MYT1L: variants seen among roughly 807,000 people sequenced by gnomAD.
The protein encoded by MYT1L is myelin transcription factor 1-like protein.
In MYT1L, 12 loss-of-function variants were observed where a neutral mutation model predicts 126.7. The ratio of observed to expected loss-of-function variants is 0.09; its 90% confidence interval spans 0.06 to 0.15. The LOEUF is 0.15. Ranked by LOEUF, MYT1L falls within the 10% of genes least tolerant of loss-of-function variation. The pLI is 1.00. For missense variants in MYT1L, 979 were observed against 1,585.2 expected, an observed-to-expected ratio of 0.62 and a Z score of 6.49; for synonymous variants, 541 against 604.2, an observed-to-expected ratio of 0.90 and a Z score of 1.53.
At chr2:2,145,765 T>C (rs148140593) in intron 3 of MYT1L, among the ~76,000 whole-genome samples, 2 of 152,308 alleles carry the variant, frequency 1.3e-5, no homozygotes, top group Non-Finnish European at 1.5e-5. Context: ...TATAAATGTA[T>C]AGAGTTTAAT....
chr2:2,295,497 G>A (rs1309266032), intron 1 of MYT1L, among the ~76,000 whole-genome samples: 1 of 151,792 alleles, frequency 6.6e-6, no homozygotes, highest in African/African-American at 2.4e-5. Context: ...AGGGAATGTG[G>A]AGAGTGTGGG....
At chr2:1,845,372 C>G (rs1320446455) in intron 19 of MYT1L, among the ~76,000 whole-genome samples, 1 of 152,170 alleles carries the variant, frequency 6.6e-6, no homozygotes. Flanking sequence ...TCTCCTCTCA[C>G]CTTCCTCCTT....
chr2:2,150,082 C>T (rs2085498715), intron 3 of MYT1L, among the ~76,000 whole-genome samples: 1 of 152,208 alleles, frequency 6.6e-6, no homozygotes, highest in Admixed American at 6.5e-5. Flanking sequence ...CCTCCCTTTA[C>T]ACCGGTGGGA....
chr2:2,076,818 AC>A, intron 3 of MYT1L, among the ~76,000 whole-genome samples: 1 of 152,096 alleles, frequency 6.6e-6, no homozygotes, highest in African/African-American at 2.4e-5. Context: ...TGACACACAC[AC>A]ACACGAGAGA....
intron 3 of MYT1L, among the ~76,000 whole-genome samples, chr2:2,156,440 G>A (rs987625563): frequency 3.3e-5 from 5 of 152,192 alleles, no homozygotes; most frequent in Non-Finnish European, 5.9e-5. Flanking sequence ...CTGTATCCTC[G>A]CATAGCAAGA....
At position 1,910,260 on chromosome 2, in the gene MYT1L, C is replaced by T; in HGVS notation, c.1797G>A (p.Gln599=). The change falls in exon 13 of 25, where the codon CAG becomes CAA. Residue 599 remains glutamine, a synonymous_variant. Coordinates refer to ENST00000647738, the MANE Select transcript of MYT1L (RefSeq NM_001303052.2). This position sits in a 1 kb window ranked among gnomAD's most constrained non-coding sequence, Gnocchi z 4.8. ...GGTACCTGAGCACGCGGTCCGAGGC[C>T]TGGCTGGACTTGGACACGTCGCAGC... ...HQSCDVSKSS[Q]ASDRVLRPMC... The T allele has an allele frequency of 1.9e-6, 3 of 1,613,234 alleles. No individual in the cohort carries two copies. The highest frequency in any genetic ancestry group is 2.5e-6 in the Non-Finnish European group (3 of 1,179,878).
intron 2 of MYT1L, among the ~76,000 whole-genome samples, chr2:2,200,438 C>A (rs1559317160): frequency 6.6e-6 from 1 of 152,032 alleles, no homozygotes; most frequent in Non-Finnish European, 1.5e-5. Flanking sequence ...GGCTTCCGAC[C>A]CCTTCCACAC....
At chr2:2,261,945 C>T (rs1325452031) in intron 2 of MYT1L, among the ~76,000 whole-genome samples, 14 of 152,160 alleles carry the variant, frequency 9.2e-5, no homozygotes, top group Admixed American at 9.2e-4. Flanking sequence ...AACTTTAATA[C>T]TTAATGTTTC....
chr2:2,088,558 A>G (rs544392409), intron 3 of MYT1L, among the ~76,000 whole-genome samples: 1 of 152,004 alleles, frequency 6.6e-6, no homozygotes, highest in South Asian at 2.1e-4. Context: ...AGGCTGATGG[A>G]GCCTGTGGGA....
intron 18 of MYT1L, among the ~76,000 whole-genome samples, chr2:1,873,907 A>G (rs1436273279): frequency 1.3e-5 from 2 of 152,188 alleles, no homozygotes; most frequent in African/African-American, 4.8e-5. Context: ...TCTTCCATCT[A>G]ATGACCACCA....
intron 18 of MYT1L, among the ~76,000 whole-genome samples, chr2:1,884,280 T>C (rs140190728): frequency 6.6e-6 from 1 of 152,356 alleles, no homozygotes; most frequent in East Asian, 1.9e-4. Context: ...AATATCACGA[T>C]GTTAATCAGG....
At chr2:1,983,974 G>A (rs1033711790) in intron 5 of MYT1L, among the ~76,000 whole-genome samples, 3 of 152,042 alleles carry the variant, frequency 2.0e-5, no homozygotes, top group Non-Finnish European at 2.9e-5. Flanking sequence ...AAATAAGGAC[G>A]TTTTCTAAGA....
At chr2:2,243,771 C>T (rs115936963) in intron 2 of MYT1L, among the ~76,000 whole-genome samples, 9 of 152,234 alleles carry the variant, frequency 5.9e-5, no homozygotes, top group South Asian at 2.1e-4. Flanking sequence ...GTGGGAGCTG[C>T]GAGCAAAGTA....
chr2:2,151,302 G>C (rs1470292756), intron 3 of MYT1L, among the ~76,000 whole-genome samples: 1 of 152,082 alleles, frequency 6.6e-6, no homozygotes, highest in Non-Finnish European at 1.5e-5. Flanking sequence ...CTCTTGAGTA[G>C]GACAGGAGGA....
At chr2:2,121,777 G>A (rs1026743913) in intron 3 of MYT1L, among the ~76,000 whole-genome samples, 5 of 152,146 alleles carry the variant, frequency 3.3e-5, no homozygotes, top group African/African-American at 1.2e-4. Flanking sequence ...GAGCCACCGC[G>A]TTTTTTCAAG....
chr2:2,216,493 A>G (rs1375403619), intron 2 of MYT1L, among the ~76,000 whole-genome samples: 1 of 152,238 alleles, frequency 6.6e-6, no homozygotes, highest in East Asian at 1.9e-4. Context: ...TCCACCAGGT[A>G]TCAATTTGCG....
chr2:1,991,885 C>T (rs182268304), intron 5 of MYT1L, among the ~76,000 whole-genome samples: 1 of 152,282 alleles, frequency 6.6e-6, no homozygotes, highest in African/African-American at 2.4e-5. Context: ...CTCTCGGGTT[C>T]ACCACACTGG....
At chr2:1,983,703 G>A (rs6757788) in intron 5 of MYT1L, among the ~76,000 whole-genome samples, 29,164 of 152,160 alleles carry the variant, frequency 0.19, 4,228 homozygotes, top group African/African-American at 0.41. Flanking sequence ...AGCCTCAGGC[G>A]TTTAAACCGT....
chr2:2,019,838 T>C (rs2064849940), intron 4 of MYT1L, among the ~76,000 whole-genome samples: 1 of 152,098 alleles, frequency 6.6e-6, no homozygotes, highest in Admixed American at 6.6e-5. Context: ...AACATTTACA[T>C]GCCAGTGTAA....
Sources: allele counts gnomAD v4.1 joint callset (sites outside exome capture counted in the v4.1 genomes callset), GRCh38; gene constraint gnomAD v4.1.1; non-coding constraint Gnocchi (gnomAD v3.1); transcripts MANE v1.5; gene names NCBI Gene and HGNC (gene_info 2026-07-23, HGNC 2026-07-21).